The following CCDC178 variants were observed in gnomAD, a reference collection of about 807,000 sequenced individuals.
CCDC178 encodes coiled-coil domain containing 178, also known as coiled-coil domain-containing protein 178.
CCDC178 carries 126 observed loss-of-function variants against 117.4 expected under a neutral mutation model. That is an observed-to-expected ratio of 1.07 (90% confidence interval 0.93 to 1.24). The LOEUF (loss-of-function observed/expected upper bound fraction) is 1.24, where lower values mean the gene tolerates loss of function less well. Among genes scored for constraint, CCDC178 ranks in the 50% most tolerant of loss-of-function variants. The pLI is 0.00. For synonymous variants in CCDC178, 283 were observed against 313.4 expected (o/e 0.90, Z 1.02); for missense variants, 1,030 against 986.9 (o/e 1.04, Z -0.59).
At chr18:33,304,015 T>A (rs968093193) in intron 11 of CCDC178, among the ~76,000 whole-genome samples, 1 of 152,122 alleles carries the variant, frequency 6.6e-6, no homozygotes, top group African/African-American at 2.4e-5. Flanking sequence ...TGCCTTAGTA[T>A]ACCTGCAACA....
Position 33,162,098 on chromosome 18 carries a change from C to T in CCDC178, c.2238+49798G>A, listed in dbSNP as rs112059759. ...ATCGCAAGGACAGAAAACCAAACACCGCATGTTCTCACTCATAGGTGGGAA... is the reference window on the plus strand; with the variant it reads ...ATCGCAAGGACAGAAAACCAAACACTGCATGTTCTCACTCATAGGTGGGAA... On this transcript the variant is annotated intron_variant, in intron 20 of 22. Transcript: ENST00000383096. Among the ~76,000 whole-genome samples the T allele has an allele frequency of 2.8e-3, 430 of 152,134 alleles. 3 individuals carry two copies. The highest frequency in any genetic ancestry group is 9.2e-3 in the African/African-American group (382 of 41,512).
chr18:33,367,967 G>A lies in CCDC178; in HGVS notation c.348+2083C>T, dbSNP rs866001515. Among the ~76,000 whole-genome samples the A allele has an allele frequency of 2.6e-5, 4 of 151,964 alleles. No individual in the cohort carries two copies. The South Asian group carries it at 6.2e-4, about 24-fold the overall frequency. On this transcript the variant is annotated intron_variant, in intron 6 of 22. Coordinates refer to ENST00000383096, the MANE Select transcript of CCDC178 (RefSeq NM_001105528.4). ...ATTATTGAAATTTTTGTCTAGAAGT[G>A]TACTTTTCTATCATTGTTATTGTGT...
At chr18:33,253,083 G>A (rs2059635785) in intron 14 of CCDC178, among the ~76,000 whole-genome samples, 1 of 151,778 alleles carries the variant, frequency 6.6e-6, no homozygotes, top group Non-Finnish European at 1.5e-5. Context: ...TGTCCCAAAT[G>A]TAAAGGGTCT....
intron 4 of CCDC178, 53 bp downstream of exon 4, chr18:33,397,092 CAATT>C (rs1224152825): frequency 2.0e-5 from 23 of 1,134,210 alleles, no homozygotes; most frequent in East Asian, 4.8e-5. Flanking sequence ...TTTTTGAAAA[CAATT>C]AATATGTGAC....
At chr18:32,973,645 A>C (rs1019955465) in intron 22 of CCDC178, among the ~76,000 whole-genome samples, 6 of 152,170 alleles carry the variant, frequency 3.9e-5, no homozygotes, top group African/African-American at 1.4e-4. Flanking sequence ...AAATCGCTTC[A>C]TAGCTATTCA....
At chr18:33,201,508 A>G (rs568907937) in intron 20 of CCDC178, among the ~76,000 whole-genome samples, 1 of 152,036 alleles carries the variant, frequency 6.6e-6, no homozygotes, top group South Asian at 2.1e-4. Flanking sequence ...TGAAACTCAA[A>G]CCTCTGGACT....
chr18:33,411,482 T>C (rs1416119654), intron 3 of CCDC178, among the ~76,000 whole-genome samples: 1 of 152,132 alleles, frequency 6.6e-6, no homozygotes. Context: ...CTGTTTTATA[T>C]CATGCAAAGA....
chr18:32,958,157 A>C, intron 22 of CCDC178: 2 of 545,938 alleles, frequency 3.7e-6, no homozygotes, highest in South Asian at 4.2e-5. Context: ...ATTACGTTTG[A>C]AGTGGTTCAT....
At chr18:33,368,503 T>A (rs959348417) in intron 6 of CCDC178, among the ~76,000 whole-genome samples, 1 of 151,946 alleles carries the variant, frequency 6.6e-6, no homozygotes, top group Non-Finnish European at 1.5e-5. Flanking sequence ...TTTTTAAAGA[T>A]AAGATATAAA....
chr18:33,179,823 T>C (rs1428194161), intron 20 of CCDC178, among the ~76,000 whole-genome samples: 1 of 152,036 alleles, frequency 6.6e-6, no homozygotes, highest in Admixed American at 6.6e-5. Flanking sequence ...CTAACTTCAG[T>C]TTCCTTTCAG....
chr18:33,387,822 T>C (rs901733297), intron 5 of CCDC178, among the ~76,000 whole-genome samples: 1 of 152,044 alleles, frequency 6.6e-6, no homozygotes, highest in Non-Finnish European at 1.5e-5. Context: ...ATGATGAAAT[T>C]GCCAAAAGCA....
chr18:33,324,424 T>C (rs1424888865), intron 10 of CCDC178, among the ~76,000 whole-genome samples: 4 of 151,934 alleles, frequency 2.6e-5, no homozygotes, highest in African/African-American at 7.2e-5. Flanking sequence ...TCAAACGTAC[T>C]GTTAAAACAG....
At chr18:33,389,441 A>G in intron 5 of CCDC178, 99 bp downstream of exon 5, 1 of 461,866 alleles carries the variant, frequency 2.2e-6, no homozygotes. Context: ...GATATGTAGG[A>G]TTTATTTCAA....
chr18:33,249,411 T>G (rs1189442519), intron 14 of CCDC178, among the ~76,000 whole-genome samples: 2 of 152,172 alleles, frequency 1.3e-5, no homozygotes, highest in Non-Finnish European at 2.9e-5. Flanking sequence ...GTCTAACATT[T>G]AAGTCTTTAA....
At chr18:32,997,762 T>G (rs1248950518) in intron 21 of CCDC178, among the ~76,000 whole-genome samples, 1 of 152,174 alleles carries the variant, frequency 6.6e-6, no homozygotes, top group Non-Finnish European at 1.5e-5. Flanking sequence ...TGGCTCTGCT[T>G]CTCTGGAGAA....
intron 22 of CCDC178, chr18:32,957,966 T>C (rs2054627911): frequency 3.8e-6 from 1 of 261,748 alleles, no homozygotes; most frequent in South Asian, 1.6e-4. Flanking sequence ...ATGAAGTACC[T>C]CTTTAGTTAA....
chr18:33,415,318 T>C (rs1236084144), intron 2 of CCDC178, among the ~76,000 whole-genome samples: 1 of 152,150 alleles, frequency 6.6e-6, no homozygotes, highest in African/African-American at 2.4e-5. Context: ...CGATCAATGA[T>C]AGACCGGATT....
chr18:33,346,668 T>A (rs544379190), intron 8 of CCDC178, among the ~76,000 whole-genome samples: 1 of 152,204 alleles, frequency 6.6e-6, no homozygotes, highest in African/African-American at 2.4e-5. Flanking sequence ...TCAGGAATAA[T>A]ACCATTTTAT....
At chr18:33,038,099 A>T (rs1222436384) in intron 21 of CCDC178, among the ~76,000 whole-genome samples, 1 of 151,988 alleles carries the variant, frequency 6.6e-6, no homozygotes, top group Admixed American at 6.6e-5. Flanking sequence ...TTTTACATAC[A>T]TACAAGCATC....
Sources: allele counts gnomAD v4.1 joint callset (sites outside exome capture counted in the v4.1 genomes callset), GRCh38; gene constraint gnomAD v4.1.1; transcripts MANE v1.5; gene names NCBI Gene and HGNC (gene_info 2026-07-23, HGNC 2026-07-21).